Variants in BNC2 observed in about 807,000 individuals in gnomAD.
BNC2 encodes basonuclin zinc finger protein 2, also known as zinc finger protein basonuclin-2.
BNC2 carries 20 observed loss-of-function variants against 76.3 expected under a neutral mutation model. The observed-to-expected ratio is 0.26, with a 90% CI of 0.18 to 0.38. The LOEUF (loss-of-function observed/expected upper bound fraction) is 0.38. Among genes scored for constraint, BNC2 ranks in the 10% least tolerant of loss-of-function variants. The pLI, the probability that BNC2 is intolerant of heterozygous loss-of-function variation, is 1.00. For synonymous variants in BNC2, 582 were observed against 514.8 expected (o/e 1.13, Z -1.77); for missense variants, 1,382 against 1,399.8 (o/e 0.99, Z 0.20).
At chr9:16,467,537 A>G (rs1228443509) in intron 5 of BNC2, among the ~76,000 whole-genome samples, 34 of 127,872 alleles carry the variant, frequency 2.7e-4, no homozygotes, top group African/African-American at 1.0e-3. Flanking sequence ...TTGTAGGGAC[A>G]TGGATGAAAT....
intron 6 of BNC2, among the ~76,000 whole-genome samples, chr9:16,425,133 A>T (rs1485350045): frequency 1.3e-5 from 2 of 152,326 alleles, no homozygotes; most frequent in East Asian, 1.9e-4. Context: ...CTTGCAAATT[A>T]AAAGTATGAA....
At chr9:16,420,994 A>G (rs1006648049) in intron 6 of BNC2, among the ~76,000 whole-genome samples, 1 of 152,214 alleles carries the variant, frequency 6.6e-6, no homozygotes, top group African/African-American at 2.4e-5. Context: ...AGTAATTGTG[A>G]TAAAAGAAAT....
intron 5 of BNC2, among the ~76,000 whole-genome samples, chr9:16,488,856 A>C (rs1209419585): frequency 2.6e-5 from 4 of 152,286 alleles, no homozygotes; most frequent in African/African-American, 9.6e-5. Context: ...CAAAAAACTG[A>C]TTAGTAGACC....
intron 1 of BNC2, among the ~76,000 whole-genome samples, chr9:16,743,199 T>G (rs1824900259): frequency 6.6e-6 from 1 of 152,080 alleles, no homozygotes; most frequent in Non-Finnish European, 1.5e-5. Context: ...ATGGCTTGCA[T>G]TTGACATCTC....
intron 3 of BNC2, among the ~76,000 whole-genome samples, chr9:16,708,563 A>G (rs568063397): frequency 6.6e-6 from 1 of 152,292 alleles, no homozygotes; most frequent in East Asian, 1.9e-4. Flanking sequence ...ATGTGTATGG[A>G]CAAAAGAGAG....
chr9:16,735,407 A>C (rs13299180), intron 2 of BNC2, among the ~76,000 whole-genome samples: 65,264 of 128,078 alleles, frequency 0.51, 18,369 homozygotes, highest in Non-Finnish European at 0.67. Flanking sequence ...AAAAAAAAAA[A>C]AAAAAAAAAA....
intron 1 of BNC2, among the ~76,000 whole-genome samples, chr9:16,808,365 T>A (rs965798832): frequency 6.6e-6 from 1 of 151,580 alleles, no homozygotes; most frequent in African/African-American, 2.4e-5. Flanking sequence ...ATTAGAAGGA[T>A]CCCTCAAATT....
chr9:16,583,139 CTT>C, intron 3 of BNC2, 54 bp from the exon 4 acceptor site: 1 of 1,383,352 alleles, frequency 7.2e-7, no homozygotes. Flanking sequence ...ATACTATACT[CTT>C]TTCACCATTT....
intron 1 of BNC2, among the ~76,000 whole-genome samples, chr9:16,835,235 A>T (rs1252737490): frequency 6.6e-6 from 1 of 152,258 alleles, no homozygotes; most frequent in Non-Finnish European, 1.5e-5. Context: ...TACTTTAACA[A>T]CTGATTGATC....
intron 3 of BNC2, chr9:16,727,564 T>C (rs1563917165): frequency 1.9e-6 from 1 of 539,382 alleles, no homozygotes; most frequent in Non-Finnish European, 3.3e-6. Flanking sequence ...ATGTCTCTGC[T>C]TTCTTTTACT....
At chr9:16,612,955 T>C (rs1820590896) in intron 3 of BNC2, among the ~76,000 whole-genome samples, 1 of 152,128 alleles carries the variant, frequency 6.6e-6, no homozygotes, top group Admixed American at 6.6e-5. Context: ...TTAAGTGATT[T>C]CAACAAGCCA....
chr9:16,780,475 G>A (rs1249176907), intron 1 of BNC2, among the ~76,000 whole-genome samples: 1 of 151,686 alleles, frequency 6.6e-6, no homozygotes, highest in African/African-American at 2.4e-5. Context: ...GGGAGACTGA[G>A]GCAAGGGAAT....
intron 5 of BNC2, among the ~76,000 whole-genome samples, chr9:16,455,862 T>C (rs1821437165): frequency 6.6e-6 from 1 of 152,148 alleles, no homozygotes; most frequent in Non-Finnish European, 1.5e-5. Flanking sequence ...CTTTCACTTA[T>C]TTTACTTTTC....
intron 3 of BNC2, among the ~76,000 whole-genome samples, chr9:16,631,499 T>A (rs1052664991): frequency 6.6e-6 from 1 of 152,144 alleles, no homozygotes; most frequent in African/African-American, 2.4e-5. Flanking sequence ...CAGAAATAAC[T>A]AGGTTAATAA....
At chr9:16,637,573 C>G (rs917162602) in intron 3 of BNC2, among the ~76,000 whole-genome samples, 1 of 152,092 alleles carries the variant, frequency 6.6e-6, no homozygotes, top group Non-Finnish European at 1.5e-5. Flanking sequence ...TCCAAGTGTT[C>G]AAAGCCATTA....
At chr9:16,569,599 G>A (rs1819263581) in intron 4 of BNC2, among the ~76,000 whole-genome samples, 1 of 152,102 alleles carries the variant, frequency 6.6e-6, no homozygotes, top group South Asian at 2.1e-4. Context: ...TCACCACTCG[G>A]TTGTTCAGAA....
intron 3 of BNC2, among the ~76,000 whole-genome samples, chr9:16,637,928 G>C (rs1240038230): frequency 6.6e-6 from 1 of 152,244 alleles, no homozygotes; most frequent in East Asian, 1.9e-4. Context: ...TGCCCAGCAA[G>C]AATATATTTT....
intron 3 of BNC2, among the ~76,000 whole-genome samples, chr9:16,664,517 A>G (rs559684495): frequency 6.6e-6 from 1 of 152,244 alleles, no homozygotes; most frequent in East Asian, 1.9e-4. Context: ...GGGGACACTG[A>G]AGAGAATTTC....
intron 3 of BNC2, among the ~76,000 whole-genome samples, chr9:16,667,482 T>C (rs537577265): frequency 2.6e-5 from 4 of 152,326 alleles, no homozygotes; most frequent in Admixed American, 6.5e-5. Flanking sequence ...GTGCCAAATG[T>C]AGTAATTTGA....
Sources: allele counts gnomAD v4.1 joint callset (sites outside exome capture counted in the v4.1 genomes callset), GRCh38; gene constraint gnomAD v4.1.1; transcripts MANE v1.5; gene names NCBI Gene and HGNC (gene_info 2026-07-23, HGNC 2026-07-21).